The following ADGRF3 variants were observed in gnomAD, a reference collection of about 807,000 sequenced individuals.
The protein encoded by ADGRF3 is adhesion G protein-coupled receptor F3, also known as G protein-coupled receptor 113.
Under a neutral mutation model 93.2 loss-of-function variants are expected in ADGRF3, and 85 were observed. The observed-to-expected ratio is 0.91, with a 90% CI of 0.77 to 1.09. The LOEUF (loss-of-function observed/expected upper bound fraction) is 1.09. Among genes scored for constraint, ADGRF3 ranks in the 50% least tolerant of loss-of-function variants. The pLI is 0.00. For synonymous variants in ADGRF3, 534 were observed against 532.5 expected, an observed-to-expected ratio of 1.00 and a Z score of -0.04; for missense variants, 1,125 against 1,246.2, an observed-to-expected ratio of 0.90 and a Z score of 1.46.
At chr2:26,322,863 GCTCACTCC>G (rs1184090092) in intron 1 of ADGRF3, among the ~76,000 whole-genome samples, 5 of 152,166 alleles carry the variant, frequency 3.3e-5, no homozygotes, top group Admixed American at 3.3e-4. Context: ...GGGTGCAGTG[GCTCACTCC>G]TGTAATCTAA....
Position 26,310,034 on chromosome 2 carries a change from G to A in ADGRF3, c.2937+9C>T. 1 of 1,614,068 alleles carries A rather than the reference G, an allele frequency of 6.2e-7. No individual in the cohort carries two copies. The highest frequency in any genetic ancestry group is 8.5e-7 in the Non-Finnish European group (1 of 1,179,888). ...ATGCACAGCTGAGGATCTGAAGGCA[G>A]CAACTCACCAGGGAGATGGTGGAGC... On this transcript the variant is annotated intron_variant, in intron 12 of 13. Transcript: ENST00000651242.
intron 1 of ADGRF3, among the ~76,000 whole-genome samples, chr2:26,332,249 A>G (rs1287587866): frequency 6.6e-6 from 1 of 152,246 alleles, no homozygotes; most frequent in Non-Finnish European, 1.5e-5. Context: ...AATTAAAAGT[A>G]CACAGGTATG....
At chr2:26,346,081 C>G in intron 1 of ADGRF3, 40 bp downstream of exon 1, 7 of 1,535,562 alleles carry the variant, frequency 4.6e-6, no homozygotes, top group Non-Finnish European at 6.1e-6. Flanking sequence ...GGGGCCGAGG[C>G]GGCTACGCGT....
At chr2:26,337,934 A>T (rs1016263966) in intron 1 of ADGRF3, among the ~76,000 whole-genome samples, 1 of 152,094 alleles carries the variant, frequency 6.6e-6, no homozygotes, top group African/African-American at 2.4e-5. Flanking sequence ...GAGACATGAG[A>T]ATCACTTGAA....
intron 1 of ADGRF3, among the ~76,000 whole-genome samples, chr2:26,332,514 T>G (rs1675820488): frequency 6.6e-6 from 1 of 152,098 alleles, no homozygotes. Flanking sequence ...CCAAGGTGGG[T>G]AGGTCCCATA....
In ADGRF3 at chr2:26,315,540, T is replaced by C; in HGVS notation, c.700A>G (p.Met234Val). 6.4e-7 allele frequency: 1 copy of C among 1,551,156 alleles called. No homozygotes were observed. The highest frequency in any genetic ancestry group is 1.2e-5 in the South Asian group (1 of 84,026). Reference sequence around the variant, plus strand: ...TGGCTACCTGCCCAGTGATGGGACATGTTGGAGACGCTGAGGGCAGCCTGG... The same window carrying C: ...TGGCTACCTGCCCAGTGATGGGACACGTTGGAGACGCTGAGGGCAGCCTGG... Reference protein sequence around the residue: ...HGQAALSVSNMSHHWAGEYMS... With the variant: ...HGQAALSVSNVSHHWAGEYMS... The change falls in exon 5 of 14, where the codon ATG becomes GTG. Residue 234 changes from methionine to valine, a missense_variant. Transcript: ENST00000651242.
At chr2:26,317,411 CCT>C in intron 2 of ADGRF3, 83 bp downstream of exon 2, 1 of 1,300,410 alleles carries the variant, frequency 7.7e-7, no homozygotes, top group South Asian at 1.3e-5. Flanking sequence ...CTGCACCTGC[CCT>C]CTCTTTTCTG....
intron 1 of ADGRF3, among the ~76,000 whole-genome samples, chr2:26,322,104 G>A (rs1159381949): frequency 6.6e-6 from 1 of 151,846 alleles, no homozygotes; most frequent in East Asian, 1.9e-4. Flanking sequence ...CCAAAGTGGT[G>A]AAACCCCATC....
chr2:26,308,995 G>T lies in ADGRF3; in HGVS notation c.*91C>A. 1.3e-6 allele frequency: 2 copies of T among 1,573,024 alleles called. No homozygotes were observed. The highest frequency in any genetic ancestry group is 1.1e-5 in the South Asian group (1 of 89,866). Reference sequence around the variant, plus strand: ...CTCAAGGGCTGAGCTCCGGGAGGCGGGAAGAGTTCAGAGCATTGGGCCAGG... The same window carrying T: ...CTCAAGGGCTGAGCTCCGGGAGGCGTGAAGAGTTCAGAGCATTGGGCCAGG... On this transcript the variant is annotated 3_prime_UTR_variant, in exon 14 of 14. Transcript: ENST00000651242.
intron 5 of ADGRF3, 111 bp downstream of exon 5, chr2:26,315,411 G>T: frequency 2.6e-6 from 3 of 1,138,864 alleles, no homozygotes; most frequent in Non-Finnish European, 3.7e-6. Context: ...GAAGGAAGGA[G>T]AAGGGAGGGA....
intron 1 of ADGRF3, chr2:26,318,201 T>A: frequency 1.1e-6 from 1 of 903,442 alleles, no homozygotes; most frequent in Non-Finnish European, 1.7e-6. Context: ...ATGGAGGGGC[T>A]CACTGTGTCA....
At chr2:26,310,540 T>A (rs907968216) in intron 10 of ADGRF3, among the ~76,000 whole-genome samples, 152 bp downstream of exon 10, 32 of 152,096 alleles carry the variant, frequency 2.1e-4, no homozygotes, top group African/African-American at 7.2e-4. Flanking sequence ...ATCCAGCTAC[T>A]CAGTGGAGGA....
chr2:26,327,987 C>T (rs1312503712), intron 1 of ADGRF3, among the ~76,000 whole-genome samples: 1 of 152,132 alleles, frequency 6.6e-6, no homozygotes, highest in Non-Finnish European at 1.5e-5. Context: ...CTTTGGGGGA[C>T]ACATTCAAAC....
Position 26,311,426 on chromosome 2 carries a change from G to A in ADGRF3, c.2098C>T (p.Pro700Ser), listed in dbSNP as rs765294742. The change falls in exon 10 of 14, where the codon CCC becomes TCC. Residue 700 changes from proline (P) to serine (S), a missense_variant. Transcript: ENST00000651242. ...ACTTGAGTCAGCAGCGCCAGAGCGG[G>A]TTCTTCCGGAACAGTGTGTGGGGAC... is the stretch of plus-strand genomic sequence containing the variant. ...LMSPHTVPEE[P>S]ALALLTQVGL... is the part of the protein sequence containing the mutation. 1 of 1,613,950 alleles carries A rather than the reference G, an allele frequency of 6.2e-7. No individual in the cohort carries two copies.
At chr2:26,319,275 A>G (rs7585749) in intron 1 of ADGRF3, among the ~76,000 whole-genome samples, 144,979 of 152,208 alleles carry the variant, frequency 0.95, 69,373 homozygotes, top group Non-Finnish European at 1. Flanking sequence ...GGCTCTTCTT[A>G]GGCTCTGGAC....
intron 1 of ADGRF3, among the ~76,000 whole-genome samples, chr2:26,325,097 C>T (rs766816192): frequency 1.2e-4 from 18 of 152,146 alleles, no homozygotes; most frequent in Non-Finnish European, 2.1e-4. Flanking sequence ...AGGATTTCTG[C>T]TGGTTGCTAC....
chr2:26,345,833 C>T (rs1558406589), intron 1 of ADGRF3: 3 of 425,596 alleles, frequency 7.0e-6, no homozygotes, highest in East Asian at 8.9e-5. Flanking sequence ...GGACCGGGAG[C>T]AAAGCCCGCT....
chr2:26,336,154 A>G (rs1004250318), intron 1 of ADGRF3, among the ~76,000 whole-genome samples: 3 of 152,230 alleles, frequency 2.0e-5, no homozygotes, highest in African/African-American at 7.2e-5. Context: ...GTAGGTTGCC[A>G]ACTGGGACAA....
intron 12 of ADGRF3, 112 bp downstream of exon 12, chr2:26,309,931 C>A (rs1673903998): frequency 1.2e-6 from 2 of 1,609,242 alleles, no homozygotes; most frequent in South Asian, 1.1e-5. Flanking sequence ...TAAAAAACAA[C>A]CCCAATCTTC....
Sources: gnomAD v4.1 joint callset for allele counts (sites outside exome capture counted in the v4.1 genomes callset) on GRCh38, gnomAD v4.1.1 for gene constraint, MANE v1.5 for transcripts, NCBI Gene and HGNC (gene_info 2026-07-23, HGNC 2026-07-21) for gene names.